The following PTPN3 variants were observed in gnomAD, a reference collection of about 807,000 sequenced individuals.
PTPN3 encodes the protein protein tyrosine phosphatase non-receptor type 3, also known as tyrosine-protein phosphatase non-receptor type 3.
Under a neutral mutation model 132.7 loss-of-function variants are expected in PTPN3, and 96 were observed. The observed-to-expected ratio is 0.72, with a 90% CI of 0.61 to 0.86. The LOEUF (loss-of-function observed/expected upper bound fraction) is 0.86. Among genes scored for constraint, PTPN3 ranks in the 40% least tolerant of loss-of-function variants. The pLI is 0.00. For synonymous variants in PTPN3, 398 were observed against 429.0 expected, an observed-to-expected ratio of 0.93 and a Z score of 0.89; for missense variants, 1,125 against 1,159.6, an observed-to-expected ratio of 0.97 and a Z score of 0.43.
chr9:109,484,044 C>T (rs988341978), intron 1 of PTPN3, among the ~76,000 whole-genome samples: 1 of 152,234 alleles, frequency 6.6e-6, no homozygotes, highest in Non-Finnish European at 1.5e-5. Flanking sequence ...TCCTCCTCTT[C>T]ACTCTGTCGC....
At chr9:109,397,611 G>A (rs775883686) in intron 19 of PTPN3, 4 of 152,152 alleles carry the variant, frequency 2.6e-5, no homozygotes, top group East Asian at 1.9e-4. Context: ...ACCATCTAGC[G>A]GGGTCTTGGA....
At chr9:109,408,931 G>C (rs1334119800) in intron 16 of PTPN3, among the ~76,000 whole-genome samples, 1 of 150,826 alleles carries the variant, frequency 6.6e-6, no homozygotes, top group African/African-American at 2.5e-5. Context: ...CACACCCTGT[G>C]AGCGCATCTG....
chr9:109,513,440 G>T, the PTPN3 span, among the ~76,000 whole-genome samples: 1 of 152,072 alleles, frequency 6.6e-6, no homozygotes, highest in Non-Finnish European at 1.5e-5. Context: ...AGCTCCCCTA[G>T]ACATTTATCC....
chr9:109,437,627 A>G (rs1160521146), intron 8 of PTPN3, among the ~76,000 whole-genome samples: 1 of 152,214 alleles, frequency 6.6e-6, no homozygotes, highest in Non-Finnish European at 1.5e-5. Context: ...GCTCGCAACA[A>G]ATACGCAGGG....
intron 1 of PTPN3, among the ~76,000 whole-genome samples, chr9:109,479,503 C>G (rs751679972): frequency 6.6e-6 from 1 of 152,188 alleles, no homozygotes; most frequent in African/African-American, 2.4e-5. Context: ...AGTATCTGTC[C>G]GAGTCCACTT....
the PTPN3 span, among the ~76,000 whole-genome samples, chr9:109,533,126 A>ATTTTTTTTTTTTTTTT: frequency 1.1e-4 from 4 of 36,554 alleles, no homozygotes; most frequent in Non-Finnish European, 1.8e-4. Context: ...TACCTGGCTA[A>ATTTTTTTTTTTTTTTT]TTTTTTTTTT....
At chr9:109,401,907 G>A (rs759016111) in intron 19 of PTPN3, among the ~76,000 whole-genome samples, 100 of 152,044 alleles carry the variant, frequency 6.6e-4, no homozygotes, top group Non-Finnish European at 1.0e-3. Context: ...ACCTCCAGTT[G>A]CTGCAGAACA....
chr9:109,501,167 T>C (rs1847859996), upstream of PTPN3, among the ~76,000 whole-genome samples: 1 of 152,232 alleles, frequency 6.6e-6, no homozygotes, highest in South Asian at 2.1e-4. Context: ...TAACTGCTAT[T>C]ATCAAGCTCA....
At chr9:109,408,590 G>A (rs935021409) in intron 16 of PTPN3, among the ~76,000 whole-genome samples, 1 of 151,452 alleles carries the variant, frequency 6.6e-6, no homozygotes, top group Non-Finnish European at 1.5e-5. Context: ...TGGATCCAGC[G>A]GGCTGACCAG....
the PTPN3 span, among the ~76,000 whole-genome samples, chr9:109,522,631 G>C: frequency 6.6e-6 from 1 of 152,304 alleles, no homozygotes; most frequent in East Asian, 1.9e-4. Flanking sequence ...ACTGCAGCCT[G>C]TTTGGAAAAC....
intron 5 of PTPN3, chr9:109,451,427 G>A: frequency 1.1e-6 from 1 of 933,656 alleles, no homozygotes; most frequent in Non-Finnish European, 1.3e-6. Flanking sequence ...GTCAACCAGT[G>A]AATTTTAGAA....
chr9:109,434,840 C>G (rs921743126), intron 9 of PTPN3, among the ~76,000 whole-genome samples: 3 of 152,150 alleles, frequency 2.0e-5, no homozygotes, highest in Admixed American at 6.5e-5. Flanking sequence ...GAGTTTGGCA[C>G]GTGGAAGACA....
At chr9:109,456,175 C>G (rs1282254486) in intron 4 of PTPN3, among the ~76,000 whole-genome samples, 1 of 152,236 alleles carries the variant, frequency 6.6e-6, no homozygotes, top group Non-Finnish European at 1.5e-5. Context: ...GGGGGGCATC[C>G]TGTGTATGCG....
At position 109,404,522 on chromosome 9, in the gene PTPN3, C is replaced by G. The variant is rs1396835414; in HGVS notation, c.1879G>C (p.Gly627Arg). The G allele has an allele frequency of 6.4e-7, 1 of 1,568,786 alleles. No homozygotes were observed. ...GCCATGGATCCCTCCAAAGTGTCCCCACCCTCCGGACACATGGGGAAAATG... is the reference window on the plus strand; with the variant it reads ...GCCATGGATCCCTCCAAAGTGTCCCGACCCTCCGGACACATGGGGAAAATG... ...EAIFPMCPEG[G>R]DTLEGSMAQL... The change falls in exon 19 of 26, where the codon GGG becomes CGG. Residue 627 changes from glycine (G) to arginine (R), a missense_variant. Physicochemically the swap from Gly to Arg is moderately radical, Grantham distance 125 (BLOSUM62 -2). Transcript: ENST00000374541.
intron 1 of PTPN3, among the ~76,000 whole-genome samples, chr9:109,487,402 G>A (rs960134456): frequency 4.6e-5 from 7 of 152,298 alleles, no homozygotes; most frequent in African/African-American, 1.2e-4. Context: ...CCTGGGCAGC[G>A]GACCTCAAAG....
At chr9:109,434,926 G>A (rs1294512558) in intron 9 of PTPN3, among the ~76,000 whole-genome samples, 4 of 152,070 alleles carry the variant, frequency 2.6e-5, no homozygotes, top group African/African-American at 9.7e-5. Context: ...TTAGAGAAAC[G>A]GGACAAACAA....
At chr9:109,399,023 C>T (rs151168768) in intron 19 of PTPN3, among the ~76,000 whole-genome samples, 8 of 152,232 alleles carry the variant, frequency 5.3e-5, no homozygotes, top group African/African-American at 1.9e-4. Flanking sequence ...CAGTTTGGGG[C>T]CAATCAAAAA....
chr9:109,435,101 C>A (rs577152224), intron 9 of PTPN3, among the ~76,000 whole-genome samples: 2 of 152,234 alleles, frequency 1.3e-5, no homozygotes, highest in East Asian at 3.9e-4. Context: ...TGTGACAGAG[C>A]AAATTAGCAA....
intron 5 of PTPN3, chr9:109,449,353 CAA>C (rs1345226078): frequency 8.1e-6 from 8 of 986,716 alleles, no homozygotes; most frequent in Non-Finnish European, 7.2e-6. Context: ...GGCTGGGGTA[CAA>C]ACCCCCAGGT....
Sources: gnomAD v4.1 joint callset for allele counts (sites outside exome capture counted in the v4.1 genomes callset) on GRCh38, gnomAD v4.1.1 for gene constraint, MANE v1.5 for transcripts, NCBI Gene and HGNC (gene_info 2026-07-23, HGNC 2026-07-21) for gene names.